Variants in ANO6 observed in about 807,000 individuals in gnomAD.
The protein encoded by ANO6 is anoctamin 6, also known as anoctamin-6.
In ANO6, 106 loss-of-function variants were observed where a neutral mutation model predicts 117.5. That is an observed-to-expected ratio of 0.90 (90% CI 0.77 to 1.06). The LOEUF is 1.06. Ranked by LOEUF, ANO6 falls within the 50% of genes least tolerant of loss-of-function variation. ANO6 has a pLI of 0.00. For missense variants in ANO6, 955 were observed against 1,121.1 expected (o/e 0.85, Z 2.12); for synonymous variants, 367 against 385.1 (o/e 0.95, Z 0.55).
At chr12:45,350,622 T>C (rs748917302) in intron 6 of ANO6, 37 bp from the exon 7 acceptor site, 20 of 1,519,204 alleles carry the variant, frequency 1.3e-5, no homozygotes, top group Middle Eastern at 3.4e-4. Flanking sequence ...GAAAACACGA[T>C]GATTATGGTG....
At chr12:45,421,923 A>C (rs1309422392) in intron 18 of ANO6, among the ~76,000 whole-genome samples, 2 of 152,154 alleles carry the variant, frequency 1.3e-5, no homozygotes, top group Non-Finnish European at 2.9e-5. Flanking sequence ...TGGACCATAG[A>C]GTTTTACCTA....
At chr12:45,415,439 C>T (rs1213765068) in intron 16 of ANO6, among the ~76,000 whole-genome samples, 1 of 152,196 alleles carries the variant, frequency 6.6e-6, no homozygotes, top group African/African-American at 2.4e-5. Flanking sequence ...ATGAGCTGTC[C>T]CTTTCCATAG....
At chr12:45,422,889 T>C in intron 18 of ANO6, 68 bp from the exon 19 acceptor site, 1 of 1,217,428 alleles carries the variant, frequency 8.2e-7, no homozygotes, top group East Asian at 2.3e-5. Flanking sequence ...TCTTTTTAAA[T>C]GGGGCCTTTG....
intron 3 of ANO6, among the ~76,000 whole-genome samples, chr12:45,331,782 C>G (rs540172550): frequency 6.6e-6 from 1 of 152,214 alleles, no homozygotes; most frequent in African/African-American, 2.4e-5. Flanking sequence ...AACTAGCTTT[C>G]AATGTGTGCT....
At chr12:45,381,969 C>T (rs1167790772) in intron 10 of ANO6, among the ~76,000 whole-genome samples, 1 of 151,570 alleles carries the variant, frequency 6.6e-6, no homozygotes, top group Non-Finnish European at 1.5e-5. Context: ...TATCACACTC[C>T]GATTTTAAAG....
At chr12:45,301,302 TTTA>T (rs1181568129) in intron 1 of ANO6, among the ~76,000 whole-genome samples, 4 of 152,056 alleles carry the variant, frequency 2.6e-5, no homozygotes, top group Non-Finnish European at 1.5e-5. Flanking sequence ...TTCTATCAGA[TTTA>T]AAATAGCCAG....
intron 7 of ANO6, 64 bp from the exon 8 acceptor site, chr12:45,357,220 AATTAAT>A (rs1353417229): frequency 3.2e-6 from 5 of 1,550,522 alleles, no homozygotes; most frequent in African/African-American, 1.4e-5. Flanking sequence ...TAAAATCAGA[AATTAAT>A]ATTAGGATGA....
chr12:45,428,318 T>C (rs1943553879), intron 19 of ANO6, among the ~76,000 whole-genome samples: 1 of 152,174 alleles, frequency 6.6e-6, no homozygotes, highest in African/African-American at 2.4e-5. Flanking sequence ...GGAAATAGTT[T>C]TGAACAAAAG....
intron 2 of ANO6, among the ~76,000 whole-genome samples, chr12:45,319,987 G>A (rs532091296): frequency 2.0e-5 from 3 of 152,054 alleles, no homozygotes; most frequent in East Asian, 1.9e-4. Context: ...TTTTTATCGT[G>A]TCTATTTGAT....
intron 3 of ANO6, among the ~76,000 whole-genome samples, chr12:45,345,952 G>A (rs1044585693): frequency 2.0e-5 from 3 of 149,668 alleles, no homozygotes; most frequent in African/African-American, 7.4e-5. Context: ...ACGGTGGTGG[G>A]GGAGAGAGAG....
intron 10 of ANO6, among the ~76,000 whole-genome samples, chr12:45,379,590 C>T (rs538289770): frequency 1.3e-5 from 2 of 152,276 alleles, no homozygotes; most frequent in East Asian, 1.9e-4. Flanking sequence ...AACTATTAAC[C>T]GTACTCTCAG....
At chr12:45,402,739 T>C (rs1942825356) in intron 13 of ANO6, among the ~76,000 whole-genome samples, 1 of 152,240 alleles carries the variant, frequency 6.6e-6, no homozygotes, top group African/African-American at 2.4e-5. Flanking sequence ...TAGCAGGCAG[T>C]TCAAAAATAA....
intron 1 of ANO6, among the ~76,000 whole-genome samples, chr12:45,278,227 G>A (rs1309898925): frequency 6.6e-6 from 1 of 152,172 alleles, no homozygotes; most frequent in Non-Finnish European, 1.5e-5. Context: ...AGAGTGCTGG[G>A]ATTACAGGTG....
At chr12:45,358,944 C>T (rs1213937626) in intron 8 of ANO6, among the ~76,000 whole-genome samples, 4 of 152,042 alleles carry the variant, frequency 2.6e-5, no homozygotes, top group South Asian at 4.2e-4. Context: ...CCACCACACC[C>T]GGCTAATTTT....
intron 16 of ANO6, among the ~76,000 whole-genome samples, chr12:45,413,631 CACAAAG>C: frequency 6.6e-6 from 1 of 152,080 alleles, no homozygotes; most frequent in Non-Finnish European, 1.5e-5. Flanking sequence ...GAGGGAGGCT[CACAAAG>C]AAAAAGAAGA....
chr12:45,250,154 C>CTGT (rs1947880644), intron 1 of ANO6, among the ~76,000 whole-genome samples: 1 of 152,126 alleles, frequency 6.6e-6, no homozygotes, highest in South Asian at 2.1e-4. Flanking sequence ...AAAACAATGA[C>CTGT]TGTATAAGTA....
intron 19 of ANO6, among the ~76,000 whole-genome samples, chr12:45,438,516 C>CA (rs1943734004): frequency 6.6e-6 from 1 of 152,092 alleles, no homozygotes; most frequent in Non-Finnish European, 1.5e-5. Flanking sequence ...AAAATGCAGG[C>CA]ACCCAAAACA....
At chr12:45,356,563 A>T (rs1395135456) in intron 7 of ANO6, among the ~76,000 whole-genome samples, 1 of 152,260 alleles carries the variant, frequency 6.6e-6, no homozygotes, top group African/African-American at 2.4e-5. Context: ...GCTAAAGAAA[A>T]GAATGTTATT....
intron 15 of ANO6, among the ~76,000 whole-genome samples, chr12:45,405,895 G>A (rs532745460): frequency 2.6e-5 from 4 of 151,904 alleles, no homozygotes; most frequent in East Asian, 1.9e-4. Flanking sequence ...CAACAAGAGC[G>A]AAACTCCATC....
Sources: gnomAD v4.1 joint callset for allele counts (sites outside exome capture counted in the v4.1 genomes callset) on GRCh38, gnomAD v4.1.1 for gene constraint, MANE v1.5 for transcripts, NCBI Gene and HGNC (gene_info 2026-07-23, HGNC 2026-07-21) for gene names.